The following FAF1 variants were observed in gnomAD, a reference collection of about 807,000 sequenced individuals.
The protein encoded by FAF1 is FAS-associated factor 1.
A neutral mutation model predicts 92.5 loss-of-function variants in FAF1; 25 were observed. The ratio of observed to expected loss-of-function variants is 0.27; its 90% CI spans 0.20 to 0.38. FAF1 has a LOEUF of 0.38. FAF1 is among the 10% of genes least tolerant of loss of function. FAF1 has a pLI of 1.00. For missense variants in FAF1, 636 were observed against 793.3 expected (o/e 0.80, Z 2.38); for synonymous variants, 234 against 273.2 (o/e 0.86, Z 1.42).
chr1:50,638,533 C>G (rs970722450), intron 8 of FAF1, among the ~76,000 whole-genome samples: 1 of 151,306 alleles, frequency 6.6e-6, no homozygotes, highest in Non-Finnish European at 1.5e-5. Flanking sequence ...CAACTTCTGC[C>G]TCATGGGTTC....
At chr1:50,700,244 T>TCA (rs34733138) in intron 7 of FAF1, among the ~76,000 whole-genome samples, 71,339 of 151,526 alleles carry the variant, frequency 0.47, 19,009 homozygotes, top group African/African-American at 0.72. Flanking sequence ...AAAAGGGGGC[T>TCA]GTGTGTAATG....
At chr1:50,575,295 A>G (rs1205113552) in intron 12 of FAF1, among the ~76,000 whole-genome samples, 1 of 152,194 alleles carries the variant, frequency 6.6e-6, no homozygotes, top group East Asian at 1.9e-4. Flanking sequence ...TGCAATTTTA[A>G]TTAGGCAGAT....
intron 18 of FAF1, among the ~76,000 whole-genome samples, chr1:50,460,042 T>C (rs1178162858): frequency 3.3e-5 from 5 of 152,258 alleles, no homozygotes; most frequent in South Asian, 2.1e-4. Flanking sequence ...CCATGTATAG[T>C]TCTTCATAGA....
chr1:50,678,537 C>T (rs867437992), intron 7 of FAF1, among the ~76,000 whole-genome samples: 40 of 152,066 alleles, frequency 2.6e-4, no homozygotes, highest in African/African-American at 9.7e-4. Flanking sequence ...AATCCCAGCA[C>T]TTTGGGAGGC....
chr1:50,829,664 G>A (rs1477782372), intron 2 of FAF1, among the ~76,000 whole-genome samples: 2 of 152,156 alleles, frequency 1.3e-5, no homozygotes, highest in East Asian at 1.9e-4. Flanking sequence ...TGTACTTAGT[G>A]GAAACATCAG....
chr1:50,655,941 G>C (rs1655088414), intron 7 of FAF1, among the ~76,000 whole-genome samples: 2 of 152,130 alleles, frequency 1.3e-5, no homozygotes, highest in Non-Finnish European at 1.5e-5. Flanking sequence ...GAAGGGTAGT[G>C]GGGTTTTATT....
intron 7 of FAF1, among the ~76,000 whole-genome samples, chr1:50,661,206 A>T (rs2124311995): frequency 6.6e-6 from 1 of 152,186 alleles, no homozygotes; most frequent in African/African-American, 2.4e-5. Context: ...CCCTTATGAG[A>T]TCTCATTTAA....
At chr1:50,450,497 T>C (rs1646282433) in intron 18 of FAF1, among the ~76,000 whole-genome samples, 1 of 152,214 alleles carries the variant, frequency 6.6e-6, no homozygotes. Flanking sequence ...ACAGTTAACA[T>C]GACTAACTGG....
chr1:50,779,958 A>G (rs981416130), intron 4 of FAF1, among the ~76,000 whole-genome samples: 3 of 149,410 alleles, frequency 2.0e-5, no homozygotes, highest in Non-Finnish European at 3.0e-5. Context: ...GAATCAAAGC[A>G]TATCACTACA....
At chr1:50,816,314 C>T (rs1643974910) in intron 2 of FAF1, among the ~76,000 whole-genome samples, 1 of 150,758 alleles carries the variant, frequency 6.6e-6, no homozygotes, top group African/African-American at 2.4e-5. Flanking sequence ...ACGCCATTCT[C>T]CTGCCTCAGC....
rs12725340 is a variant in FAF1, at chr1:50,526,359, G to A, written c.1494+9010C>T. On this transcript the variant is annotated intron_variant, in intron 15 of 18. Coordinates refer to ENST00000396153, the MANE Select transcript of FAF1 (RefSeq NM_007051.3). Reference sequence around the variant, plus strand: ...ACCTGTAATCCCAGCACTTTGGAAGGCTGAGGTGGGAGGATCTCTTGAGCC... The same window carrying A: ...ACCTGTAATCCCAGCACTTTGGAAGACTGAGGTGGGAGGATCTCTTGAGCC... Among the ~76,000 whole-genome samples, 226 of 151,982 alleles carry A rather than the reference G, an allele frequency of 1.5e-3. 5 individuals carry two copies. Among genetic ancestry groups the A allele is most frequent in the Non-Finnish European group, 7.4e-4 (50 of 67,952 alleles).
chr1:50,893,160 A>G (rs1449181703), intron 1 of FAF1, among the ~76,000 whole-genome samples: 1 of 152,142 alleles, frequency 6.6e-6, no homozygotes, highest in African/African-American at 2.4e-5. Flanking sequence ...AAGGTCACAT[A>G]TCTGTTTCTC....
chr1:50,805,952 A>G (rs1432510232), intron 2 of FAF1, among the ~76,000 whole-genome samples: 1 of 152,196 alleles, frequency 6.6e-6, no homozygotes, highest in Admixed American at 6.5e-5. Flanking sequence ...GAAGGACACC[A>G]AGAAAACAAA....
intron 8 of FAF1, among the ~76,000 whole-genome samples, chr1:50,614,457 T>C (rs767043797): frequency 3.9e-5 from 6 of 152,156 alleles, no homozygotes; most frequent in Non-Finnish European, 7.4e-5. Flanking sequence ...AAACAAAAAC[T>C]GCAAAATATT....
At chr1:50,809,323 G>A (rs1662329494) in intron 2 of FAF1, among the ~76,000 whole-genome samples, 1 of 152,046 alleles carries the variant, frequency 6.6e-6, no homozygotes, top group Non-Finnish European at 1.5e-5. Flanking sequence ...AAGGTCAAGA[G>A]TTAGTTCCTT....
Position 50,439,841 on chromosome 1 carries a change from C to T in FAF1, c.*1599G>A, listed in dbSNP as rs1157352094. ...TGAACACTTCCCCTGAAGGGAGACC[C>T]ATGGGTCTCTCAGCCTCCCTAGAGA... On this transcript the variant is annotated 3_prime_UTR_variant, in exon 19 of 19. Coordinates refer to ENST00000396153, the MANE Select transcript of FAF1 (RefSeq NM_007051.3). 2 of 152,168 alleles carry T rather than the reference C, an allele frequency of 1.3e-5. No homozygotes were observed. The highest frequency in any genetic ancestry group is 2.9e-5 in the Non-Finnish European group (2 of 68,038). 9.4% of individuals were successfully genotyped at this position (152,168 alleles called of 1,614,324 possible).
At chr1:50,896,236 G>C (rs559496068) in intron 1 of FAF1, among the ~76,000 whole-genome samples, 1 of 152,116 alleles carries the variant, frequency 6.6e-6, no homozygotes, top group Non-Finnish European at 1.5e-5. Flanking sequence ...GGTGAGCCAT[G>C]ATTGCACCAC....
intron 2 of FAF1, among the ~76,000 whole-genome samples, chr1:50,853,072 C>T (rs1438132149): frequency 2.0e-5 from 3 of 152,066 alleles, no homozygotes; most frequent in South Asian, 2.1e-4. Flanking sequence ...TGGCTGCTTT[C>T]GGATGAGGAC....
intron 7 of FAF1, among the ~76,000 whole-genome samples, chr1:50,686,474 G>T (rs1656662222): frequency 6.6e-6 from 1 of 151,932 alleles, no homozygotes. Context: ...CCTGGGAGGT[G>T]GAAGTTGCCG....
Sources: gnomAD v4.1 joint callset for allele counts (sites outside exome capture counted in the v4.1 genomes callset) on GRCh38, gnomAD v4.1.1 for gene constraint, MANE v1.5 for transcripts, NCBI Gene and HGNC (gene_info 2026-07-23, HGNC 2026-07-21) for gene names.